The following STRA6 variants were observed in gnomAD, a reference collection of about 807,000 sequenced individuals.
STRA6 encodes receptor for retinol uptake STRA6.
A neutral mutation model predicts 83.6 loss-of-function variants in STRA6; 48 were observed. The observed-to-expected ratio is 0.57, with a 90% CI of 0.46 to 0.73. STRA6 has a LOEUF of 0.73. Ranked by LOEUF, STRA6 falls within the 30% of genes least tolerant of loss-of-function variation. The pLI, the probability that STRA6 is intolerant of heterozygous loss-of-function variation, is 0.00. For missense variants in STRA6, 760 were observed against 838.8 expected (o/e 0.91, Z 1.16); for synonymous variants, 353 against 362.3 (o/e 0.97, Z 0.29).
intron 8 of STRA6, 70 bp from the exon 9 acceptor site, chr15:74,191,561 G>T: frequency 7.4e-7 from 1 of 1,349,796 alleles, no homozygotes; most frequent in South Asian, 1.2e-5. Context: ...CTGGCTCAGG[G>T]AACTAGAGTG....
At chr15:74,208,669 A>G (rs2074316917) in intron 1 of STRA6, 2 of 977,214 alleles carry the variant, frequency 2.0e-6, no homozygotes, top group Non-Finnish European at 1.2e-6. Context: ...GCTCCAGCCC[A>G]TCACTCTGCT....
intron 4 of STRA6, among the ~76,000 whole-genome samples, chr15:74,196,975 C>T (rs966710031): frequency 1.3e-5 from 2 of 152,168 alleles, no homozygotes; most frequent in Admixed American, 6.5e-5. Context: ...CATTAGGGTC[C>T]AGGTGATACC....
chr15:74,185,937 G>A (rs62005711), intron 12 of STRA6, among the ~76,000 whole-genome samples: 21,131 of 152,266 alleles, frequency 0.14, 2,062 homozygotes, highest in Non-Finnish European at 0.21. Context: ...TCAGTCCAGG[G>A]AAGTGTTCCT....
chr15:74,199,177 TG>T (rs1456611132), intron 2 of STRA6, among the ~76,000 whole-genome samples: 1 of 152,200 alleles, frequency 6.6e-6, no homozygotes, highest in Non-Finnish European at 1.5e-5. Context: ...CTCCACTGTA[TG>T]AAGAGAGGCA....
rs2142003965 is a variant in STRA6, at chr15:74,183,837, G to C, written c.1300+19C>G. ...GAGGCCCAGGCCAAGGCTGGGTGTGGCGGGCAAGGGAGGCTCACCAAGGCA... is the reference window on the plus strand; with the variant it reads ...GAGGCCCAGGCCAAGGCTGGGTGTGCCGGGCAAGGGAGGCTCACCAAGGCA... On this transcript the variant is annotated intron_variant, in intron 14 of 18. Coordinates refer to ENST00000395105, the MANE Select transcript of STRA6 (RefSeq NM_022369.4). 1 of 1,613,778 alleles carries C rather than the reference G, an allele frequency of 6.2e-7. No individual in the cohort carries two copies. Among genetic ancestry groups the C allele is most frequent in the Non-Finnish European group, 8.5e-7 (1 of 1,179,998 alleles).
Position 74,181,444 on chromosome 15 carries a change from G to A in STRA6, c.1535C>T (p.Ala512Val). Residue 512 changes from alanine to valine, a missense_variant, in exon 17 of 19, where the codon GCA becomes GTA. Coordinates refer to ENST00000395105, the MANE Select transcript of STRA6 (RefSeq NM_022369.4). Reference sequence around the variant, plus strand: ...GAGGGGGAAGAGAAGAAAGGTGGCTGCATAGAGCACTCGCCTAGGATGGGA... The same window carrying A: ...GAGGGGGAAGAGAAGAAAGGTGGCTACATAGAGCACTCGCCTAGGATGGGA... Reference protein sequence around the residue: ...PQLTNRRVLYAATFLLFPLNV... With the variant: ...PQLTNRRVLYVATFLLFPLNV... 1 of 1,613,912 alleles carries A rather than the reference G, an allele frequency of 6.2e-7. No individual in the cohort carries two copies. The highest frequency in any genetic ancestry group is 1.1e-5 in the South Asian group (1 of 91,048).
At chr15:74,184,845 G>A (rs1415957528) in intron 13 of STRA6, 135 bp downstream of exon 13, 16 of 838,760 alleles carry the variant, frequency 1.9e-5, no homozygotes, top group Non-Finnish European at 2.9e-5. Flanking sequence ...GCGCAGCCAC[G>A]CACAGGTGGG....
Position 74,181,513 on chromosome 15 carries a change from G to T in STRA6, c.1521-55C>A, listed in dbSNP as rs2072988615. 8 of 1,598,372 alleles carry T rather than the reference G, an allele frequency of 5.0e-6. No individual in the cohort carries two copies. The Admixed American group carries it at 1.0e-4, about 21-fold the overall frequency. On this transcript the variant is annotated intron_variant, in intron 16 of 18. Transcript: ENST00000395105. The stretch of plus-strand genomic sequence containing the variant: ...CCGTTCCCCAGAGCTCCCTCCCCAG[G>T]GTCAGTGTCAGACCTGGATGCCCAG...
At chr15:74,205,398 G>A (rs1437413888), upstream of STRA6, among the ~76,000 whole-genome samples, 3 of 152,178 alleles carry the variant, frequency 2.0e-5, no homozygotes, top group Admixed American at 6.5e-5. Context: ...GAAGGTGAAG[G>A]GGGGTCAGGC....
At chr15:74,197,448 C>A (rs1164152439) in intron 3 of STRA6, 25 bp from the exon 4 acceptor site, 6 of 1,542,002 alleles carry the variant, frequency 3.9e-6, no homozygotes, top group Non-Finnish European at 3.5e-6. Context: ...CAGAGGAGGG[C>A]TTGGGGTGCC....
At chr15:74,195,037 C>T in intron 7 of STRA6, 1 of 1,435,966 alleles carries the variant, frequency 7.0e-7, no homozygotes, top group Admixed American at 2.8e-5. Context: ...CAGGCTTTCT[C>T]TTCCCCCTAC....
chr15:74,183,832 G>T (rs1333557610), intron 14 of STRA6, 24 bp downstream of exon 14: 9 of 1,613,688 alleles, frequency 5.6e-6, no homozygotes, highest in South Asian at 1.1e-5. Context: ...CCAAGGCTGG[G>T]TGTGGCGGGC....
chr15:74,196,195 C>T (rs756150697), intron 4 of STRA6, 48 bp from the exon 5 acceptor site: 30 of 1,608,218 alleles, frequency 1.9e-5, no homozygotes, highest in African/African-American at 4.0e-5. Context: ...TCAGCCCCTG[C>T]ACCCCCATTA....
Position 74,179,921 on chromosome 15 carries a change from C to A in STRA6, c.*159G>T. ...TGGGTGGAGCAGAGCCCTCCTGAGG[C>A]TCCCAGTGCAGACAGACCTCCACCC... On this transcript the variant is annotated 3_prime_UTR_variant, in exon 19 of 19. Coordinates refer to ENST00000395105, the MANE Select transcript of STRA6 (RefSeq NM_022369.4). The A allele has an allele frequency of 1.0e-6, 1 of 962,682 alleles. No individual in the cohort carries two copies. The allele number at this position is 962,682 out of a possible 1,614,324, so 59.6% of individuals were successfully genotyped here. A position where few individuals can be genotyped will look rare whatever the true frequency, so the allele number is the denominator to read the frequency against.
rs116753967 is a variant in STRA6 at position 74,189,212 on chromosome 15, C to T, written c.993G>A (p.Thr331=). Residue 331 remains threonine, a synonymous_variant, in exon 12 of 19, where the codon ACG becomes ACA. Transcript: ENST00000395105. Reference sequence around the variant, plus strand: ...AGCCGGCCAGCAGGTAGGAGACATCCGTGGTGACCCCTGCCCTCACCTTCT... The same window carrying T: ...AGCCGGCCAGCAGGTAGGAGACATCTGTGGTGACCCCTGCCCTCACCTTCT... ...TIQKVRAGVT[T]DVSYLLAGFG... is the part of the protein sequence containing the mutation. 4,845 of 1,612,716 alleles carry T rather than the reference C, an allele frequency of 3.0e-3. 8 individuals are homozygous for T. Among genetic ancestry groups the T allele is most frequent in the Non-Finnish European group, 3.6e-3 (4,290 of 1,179,472 alleles).
chr15:74,210,674 G>T (rs560442066), upstream of STRA6, among the ~76,000 whole-genome samples: 1 of 152,190 alleles, frequency 6.6e-6, no homozygotes, highest in African/African-American at 2.4e-5. Flanking sequence ...TGTGAGTAAG[G>T]AGCTGTGAAG....
intron 14 of STRA6, 41 bp from the exon 15 acceptor site, chr15:74,182,501 C>A: frequency 6.5e-7 from 1 of 1,545,088 alleles, no homozygotes; most frequent in South Asian, 1.2e-5. Flanking sequence ...AAAACAGGTT[C>A]CATGAAAACT....
At chr15:74,203,570 G>A (rs1230975306), upstream of STRA6, among the ~76,000 whole-genome samples, 1 of 152,254 alleles carries the variant, frequency 6.6e-6, no homozygotes, top group South Asian at 2.1e-4. Context: ...GACCCTGTCA[G>A]CTAAGGCAGT....
At chr15:74,186,499 T>C (rs1219700813) in intron 12 of STRA6, among the ~76,000 whole-genome samples, 1 of 152,168 alleles carries the variant, frequency 6.6e-6, no homozygotes, top group Non-Finnish European at 1.5e-5. Flanking sequence ...TCCCAGCTAC[T>C]CGGGAGGCTG....
Sources: gnomAD v4.1 joint callset for allele counts (sites outside exome capture counted in the v4.1 genomes callset) on GRCh38, gnomAD v4.1.1 for gene constraint, MANE v1.5 for transcripts, NCBI Gene and HGNC (gene_info 2026-07-23, HGNC 2026-07-21) for gene names.